Variants in ARMC3 observed in about 807,000 individuals in gnomAD.
ARMC3 encodes armadillo repeat containing 3.
In ARMC3, 74 loss-of-function variants were observed where a neutral mutation model predicts 90.3. The observed-to-expected ratio is 0.82, with a 90% confidence interval of 0.68 to 0.99. The LOEUF is 0.99. Among genes scored for constraint, ARMC3 ranks in the 50% least tolerant of loss-of-function variants. The pLI is 0.00. For missense variants in ARMC3, 958 were observed against 1,042.8 expected (o/e 0.92, Z 1.12); for synonymous variants, 334 against 361.8 (o/e 0.92, Z 0.87).
Position 23,006,918 on chromosome 10 carries a change from A to G in ARMC3, c.1766A>G (p.Glu589Gly), listed in dbSNP as rs764823057. ...NPGTKLLPLK[E>G]LCLQEPSDLR... ...GGCACCAAACTGTTGCCTTTGAAGG[A>G]GCTCTGCTTACAAGAACCAAGTGAC... The change falls in exon 14 of 19, where the codon GAG (glutamate) becomes GGG (glycine). Residue 589 changes from glutamate to glycine, a missense_variant. Physicochemically the swap from Glu to Gly is moderately conservative, Grantham distance 98 (BLOSUM62 -2). Coordinates refer to ENST00000298032, the MANE Select transcript of ARMC3 (RefSeq NM_173081.5). 6.2e-7 allele frequency: 1 copy of G among 1,614,040 alleles called. No homozygotes were observed. Among genetic ancestry groups the G allele is most frequent in the Non-Finnish European group, 8.5e-7 (1 of 1,179,954 alleles).
At chr10:22,970,374 G>C (rs1588860892) in intron 8 of ARMC3, among the ~76,000 whole-genome samples, 1 of 152,300 alleles carries the variant, frequency 6.6e-6, no homozygotes, top group Admixed American at 6.5e-5. Flanking sequence ...GAAAGCCACA[G>C]AACACTGAGC....
At chr10:22,951,810 C>T (rs1834750014) in intron 3 of ARMC3, among the ~76,000 whole-genome samples, 1 of 152,096 alleles carries the variant, frequency 6.6e-6, no homozygotes, top group Non-Finnish European at 1.5e-5. Context: ...AACCAGTAAT[C>T]TCAGCTTCTA....
intron 16 of ARMC3, among the ~76,000 whole-genome samples, chr10:23,025,785 TC>T (rs1367272855): frequency 6.6e-5 from 10 of 151,706 alleles, no homozygotes; most frequent in Non-Finnish European, 1.0e-4. Flanking sequence ...ATAGAGAAAA[TC>T]AATGAAATAA....
intron 10 of ARMC3, among the ~76,000 whole-genome samples, chr10:22,985,046 ATTTTTTTTTTT>A (rs535085393): frequency 4.8e-5 from 4 of 83,570 alleles, no homozygotes; most frequent in South Asian, 4.1e-4. Flanking sequence ...TTAATTTTTC[ATTTTTTTTTTT>A]TTTTTTTTTT....
intron 10 of ARMC3, among the ~76,000 whole-genome samples, chr10:22,986,575 A>C (rs1836460082): frequency 6.9e-6 from 1 of 144,464 alleles, no homozygotes; most frequent in African/African-American, 2.6e-5. Context: ...AAAAAAAAAA[A>C]AACAAACCCA....
chr10:22,955,997 T>G (rs902510473), intron 4 of ARMC3, 65 bp downstream of exon 4: 3 of 1,404,606 alleles, frequency 2.1e-6, no homozygotes, highest in Non-Finnish European at 2.9e-6. Context: ...TCTTTTAAAT[T>G]TAACATTAAG....
chr10:22,981,336 A>G lies in ARMC3; in HGVS notation c.917-4A>G. 1 of 1,593,744 alleles carries G rather than the reference A, an allele frequency of 6.3e-7. No homozygotes were observed. Among genetic ancestry groups the G allele is most frequent in the East Asian group, 2.2e-5 (1 of 44,732 alleles). Reference sequence around the variant, plus strand: ...TGAATTTTTTTCCCTTTGGTGTATGAAAGCTGAAAATAGAAAACTTTTTCA... The same window carrying G: ...TGAATTTTTTTCCCTTTGGTGTATGGAAGCTGAAAATAGAAAACTTTTTCA... On this transcript the variant is annotated splice_region_variant and splice_polypyrimidine_tract_variant and intron_variant, in intron 8 of 18. Transcript: ENST00000298032.
intron 1 of ARMC3, among the ~76,000 whole-genome samples, chr10:22,928,385 T>G (rs563066969): frequency 4.6e-4 from 70 of 152,240 alleles, no homozygotes; most frequent in Middle Eastern, 3.4e-3. Flanking sequence ...TGTGAGCAAC[T>G]CAGAAGTGGC....
At chr10:22,968,249 T>C in intron 7 of ARMC3, 57 bp from the exon 8 acceptor site, 3 of 1,504,614 alleles carry the variant, frequency 2.0e-6, no homozygotes, top group Non-Finnish European at 1.8e-6. Flanking sequence ...GTAGTCAAAT[T>C]TGGGAAGTGT....
At chr10:22,957,343 T>A (rs1219110272) in intron 4 of ARMC3, among the ~76,000 whole-genome samples, 1 of 152,166 alleles carries the variant, frequency 6.6e-6, no homozygotes. Context: ...TCTGTGCCAT[T>A]ACAGCCTCAG....
intron 3 of ARMC3, among the ~76,000 whole-genome samples, chr10:22,951,875 A>C (rs187380611): frequency 1.8e-4 from 27 of 152,322 alleles, no homozygotes; most frequent in Non-Finnish European, 8.8e-5. Flanking sequence ...TCACACCTGT[A>C]ATCTCGGAAC....
At chr10:23,004,262 ACTT>A (rs1237718523) in intron 13 of ARMC3, among the ~76,000 whole-genome samples, 1 of 152,170 alleles carries the variant, frequency 6.6e-6, no homozygotes, top group Non-Finnish European at 1.5e-5. Context: ...AGTATTTTCT[ACTT>A]CTTCTGGAAA....
chr10:23,008,035 T>A (rs1351529948), intron 14 of ARMC3, among the ~76,000 whole-genome samples: 1 of 151,886 alleles, frequency 6.6e-6, no homozygotes, highest in Non-Finnish European at 1.5e-5. Flanking sequence ...GCCCCGGAGG[T>A]CAAGGCTGCA....
intron 2 of ARMC3, among the ~76,000 whole-genome samples, chr10:22,938,745 AGTGT>A (rs1810936998): frequency 6.6e-6 from 1 of 152,206 alleles, no homozygotes; most frequent in South Asian, 2.1e-4. Flanking sequence ...GACATAATGC[AGTGT>A]GTTAAATTCA....
chr10:22,982,974 C>A (rs1836259993), intron 10 of ARMC3, among the ~76,000 whole-genome samples: 1 of 152,162 alleles, frequency 6.6e-6, no homozygotes, highest in South Asian at 2.1e-4. Context: ...AAACTGTGTT[C>A]CTTTAATAGC....
intron 18 of ARMC3, among the ~76,000 whole-genome samples, chr10:23,036,330 C>T (rs1452298148): frequency 6.6e-6 from 1 of 152,294 alleles, no homozygotes; most frequent in East Asian, 1.9e-4. Flanking sequence ...ACCCAAGACA[C>T]AGTGACCTGG....
At chr10:22,969,446 T>C (rs999089512) in intron 8 of ARMC3, among the ~76,000 whole-genome samples, 1 of 152,236 alleles carries the variant, frequency 6.6e-6, no homozygotes, top group Non-Finnish European at 1.5e-5. Context: ...CATCTGTATA[T>C]TGATATGTAT....
chr10:23,020,013 A>G (rs1347027703), intron 16 of ARMC3, among the ~76,000 whole-genome samples: 3 of 152,348 alleles, frequency 2.0e-5, no homozygotes, highest in South Asian at 2.1e-4. Flanking sequence ...ATACCACAGT[A>G]TATGTCCACT....
chr10:23,038,277 T>G lies in ARMC3; in HGVS notation c.*798T>G, dbSNP rs1839195872. 1 of 152,202 alleles carries G rather than the reference T, an allele frequency of 6.6e-6. No individual in the cohort carries two copies. Among genetic ancestry groups the G allele is most frequent in the Non-Finnish European group, 1.5e-5 (1 of 68,040 alleles). 9.4% of individuals were successfully genotyped at this position (152,202 alleles called of 1,614,324 possible). A position where few individuals can be genotyped will look rare whatever the true frequency, so the allele number is the denominator to read the frequency against. On this transcript the variant is annotated 3_prime_UTR_variant, in exon 19 of 19. Coordinates refer to ENST00000298032, the MANE Select transcript of ARMC3 (RefSeq NM_173081.5). ...TTTGCTGAGGAATTGTGTTTTAGTATTGAGCACAAAATGGGGAGTAAATTC... is the reference window on the plus strand; with the variant it reads ...TTTGCTGAGGAATTGTGTTTTAGTAGTGAGCACAAAATGGGGAGTAAATTC...
Sources: gnomAD v4.1 joint callset for allele counts (sites outside exome capture counted in the v4.1 genomes callset) on GRCh38, gnomAD v4.1.1 for gene constraint, MANE v1.5 for transcripts, NCBI Gene and HGNC (gene_info 2026-07-23, HGNC 2026-07-21) for gene names.